The following AKAP9 variants were observed in gnomAD, a reference collection of about 807,000 sequenced individuals.
AKAP9 encodes A-kinase anchor protein 9.
Under a neutral mutation model 488.5 loss-of-function variants are expected in AKAP9, and 311 were observed. That is an observed-to-expected ratio of 0.64 (90% CI 0.58 to 0.70). The LOEUF (loss-of-function observed/expected upper bound fraction) is 0.70, where lower values mean the gene tolerates loss of function less well. Among genes scored for constraint, AKAP9 ranks in the 30% least tolerant of loss-of-function variants. AKAP9 has a pLI of 0.00. For missense variants in AKAP9, 4,215 were observed against 4,374.5 expected, an observed-to-expected ratio of 0.96 and a Z score of 1.03; for synonymous variants, 1,462 against 1,483.5, an observed-to-expected ratio of 0.99 and a Z score of 0.33.
chr7:91,970,476 G>C (rs1794930127), intron 1 of AKAP9: 1 of 456,848 alleles, frequency 2.2e-6, no homozygotes, highest in African/African-American at 2.0e-5. Flanking sequence ...CTTTCAGATT[G>C]AAGAACTCTC....
chr7:92,097,174 G>A lies in AKAP9; in HGVS notation c.10215G>A (p.Met3405Ile). Residue 3405 changes from methionine to isoleucine, a missense_variant, in exon 41 of 50, where the codon ATG becomes ATA. This residue lies in a region of AKAP9 where 1,476 missense variants were observed against 1,477.4 expected (regional missense o/e 1.00). Transcript: ENST00000356239. ...CCAACACTGAGGGACAGAAAAAAAT[G>A]CATGAGCTCCAGTCCAAAGTGGAAG... Reference protein sequence around the residue: ...QEANTEGQKKMHELQSKVEDL... With the variant: ...QEANTEGQKKIHELQSKVEDL... 1 of 1,613,960 alleles carries A rather than the reference G, an allele frequency of 6.2e-7. No individual in the cohort carries two copies. The highest frequency in any genetic ancestry group is 8.5e-7 in the Non-Finnish European group (1 of 1,179,946).
intron 46 of AKAP9, among the ~76,000 whole-genome samples, chr7:92,104,192 T>TTATTTA (rs200966958): frequency 7.3e-6 from 1 of 137,140 alleles, no homozygotes; most frequent in African/African-American, 2.9e-5. Context: ...ATTTATTTAT[T>TTATTTA]TTTTTTTTTT....
chr7:91,987,690 C>A (rs1797274934), intron 3 of AKAP9, among the ~76,000 whole-genome samples: 1 of 152,092 alleles, frequency 6.6e-6, no homozygotes, highest in African/African-American at 2.4e-5. Context: ...TTGAATTCCT[C>A]CATTTAATGA....
intron 38 of AKAP9, among the ~76,000 whole-genome samples, chr7:92,091,423 TA>T (rs1293057194): frequency 6.6e-6 from 1 of 151,708 alleles, no homozygotes; most frequent in Non-Finnish European, 1.5e-5. Flanking sequence ...CCATCTCTAC[TA>T]AAAATACAAA....
chr7:91,963,481 G>GACACACAC (rs1562902649), intron 1 of AKAP9, among the ~76,000 whole-genome samples: 3 of 115,640 alleles, frequency 2.6e-5, no homozygotes, highest in South Asian at 2.9e-4. Context: ...TAACATATTT[G>GACACACAC]TCACACACAC....
At chr7:91,963,510 AC>A (rs1281824960) in intron 1 of AKAP9, among the ~76,000 whole-genome samples, 2 of 151,360 alleles carry the variant, frequency 1.3e-5, no homozygotes, top group Admixed American at 1.3e-4. Flanking sequence ...ACACACACAC[AC>A]ACACACACAC....
At chr7:91,997,847 A>G (rs891358953) in intron 7 of AKAP9, among the ~76,000 whole-genome samples, 6 of 152,188 alleles carry the variant, frequency 3.9e-5, no homozygotes, top group African/African-American at 1.4e-4. Flanking sequence ...GTTTTTCACT[A>G]TATACATTTT....
chr7:91,970,625 C>T, intron 1 of AKAP9: 1 of 383,770 alleles, frequency 2.6e-6, no homozygotes, highest in South Asian at 2.1e-5. Context: ...TGTTTTTTTC[C>T]TTCAGCACTT....
Position 92,079,150 on chromosome 7 carries a change from A to G in AKAP9, c.7017A>G (p.Glu2339=). The change falls in exon 31 of 50, where the codon GAA becomes GAG. Residue 2339 remains glutamate (E), a synonymous_variant. Transcript: ENST00000356239. ...TQIECLMSDQ[E]CVKRNREEEI... is the part of the protein sequence containing the mutation. ...TAGAATGTTTGATGAGTGATCAAGA[A>G]TGTGTGAAGAGAAATAGAGAAGAAG... is the stretch of plus-strand genomic sequence containing the variant. 6 of 1,613,920 alleles carry G rather than the reference A, an allele frequency of 3.7e-6. No homozygotes were observed. Among genetic ancestry groups the G allele is most frequent in the Non-Finnish European group, 5.1e-6 (6 of 1,179,884 alleles).
chr7:92,012,335 A>T (rs1043864627), intron 8 of AKAP9, 94 bp from the exon 9 acceptor site: 1 of 1,130,378 alleles, frequency 8.8e-7, no homozygotes, highest in Admixed American at 2.5e-5. Context: ...ATGAATTTTT[A>T]AACTCTTGTA....
In AKAP9 at chr7:92,085,587, G is replaced by C. The variant is rs1018872015; in HGVS notation, c.8925G>C (p.Gln2975His). ...YSDGEDHSIQ[Q>H]VSEPWLEERK... is the part of the protein sequence containing the mutation. The stretch of plus-strand genomic sequence containing the variant: ...ATGGAGAGGACCATTCTATTCAGCA[G>C]GTTTCAGAACCTTGGCTAGAAGAGA... Residue 2975 changes from glutamine to histidine, a missense_variant, in exon 36 of 50, where the codon CAG (glutamine) becomes CAC (histidine). This residue lies in a region of AKAP9 where 1,476 missense variants were observed against 1,477.4 expected (regional missense o/e 1.00). Coordinates refer to ENST00000356239, the MANE Select transcript of AKAP9 (RefSeq NM_005751.5). 1 of 1,613,760 alleles carries C rather than the reference G, an allele frequency of 6.2e-7. No individual in the cohort carries two copies. The highest frequency in any genetic ancestry group is 1.7e-5 in the Admixed American group (1 of 59,982).
chr7:91,971,335 T>A (rs1296459907), intron 1 of AKAP9, among the ~76,000 whole-genome samples: 3 of 152,134 alleles, frequency 2.0e-5, no homozygotes, highest in Non-Finnish European at 2.9e-5. Context: ...TATAAAAAAC[T>A]TTTAATCTTT....
At position 91,973,765 on chromosome 7, in the gene AKAP9, A is replaced by T; in HGVS notation, c.103A>T (p.Lys35Ter). The change falls in exon 2 of 50, where the codon AAG becomes TAG. Residue 35 changes from lysine to a stop codon, truncating the protein, a stop_gained. Transcript: ENST00000356239. LOFTEE classifies it high-confidence loss of function. ...GTCGGATGGGCAGAGTCCTTCCAAG[A>T]AGCAGAAAAAAAAGAGAAAAACGTC... ...AQSDGQSPSK[K>*]QKKKRKTSSS... 6.2e-7 allele frequency: 1 copy of T among 1,614,082 alleles called. No homozygotes were observed. The highest frequency in any genetic ancestry group is 8.5e-7 in the Non-Finnish European group (1 of 1,180,002).
chr7:91,956,686 C>T (rs961096011), intron 1 of AKAP9, among the ~76,000 whole-genome samples: 5 of 151,950 alleles, frequency 3.3e-5, no homozygotes, highest in African/African-American at 1.2e-4. Flanking sequence ...TTGCTAATAG[C>T]TTCATGTTAT....
In AKAP9 at chr7:91,992,244, G is replaced by T. The variant is rs775043801; in HGVS notation, c.405+33G>T. ...ATTTAAAACTACTTGTGATACTAAT[G>T]TTGGATACTATTTAAAATCATCTGG... is the stretch of plus-strand genomic sequence containing the variant. On this transcript the variant is annotated intron_variant, in intron 4 of 49. Transcript: ENST00000356239. 2.7e-6 allele frequency: 4 copies of T among 1,466,646 alleles called. 1 individual carries two copies. In the Admixed American group the frequency reaches 6.7e-5, roughly 25 times the overall value. The allele number at this position is 1,466,646 out of a possible 1,614,324, so 90.9% of individuals were successfully genotyped here.
In AKAP9 at chr7:92,103,773, A is replaced by T. The variant is rs564657228; in HGVS notation, c.11330+947A>T. 7.9e-4 allele frequency among the ~76,000 whole-genome samples: 121 copies of T among 152,204 alleles called. No individual in the cohort carries two copies. In the South Asian group the frequency reaches 0.022, roughly 27 times the overall value. On this transcript the variant is annotated intron_variant, in intron 46 of 49. Transcript: ENST00000356239. ...AAATAAAAGATTATAAAATTTAAAA[A>T]TGTGGTTGACAAATTACTTCTTAGG...
chr7:92,016,462 T>G (rs1166994187), intron 11 of AKAP9, among the ~76,000 whole-genome samples, 195 bp downstream of exon 11: 1 of 152,098 alleles, frequency 6.6e-6, no homozygotes, highest in African/African-American at 2.4e-5. Flanking sequence ...AATGGTGATA[T>G]GAATATAATT....
In AKAP9 at chr7:91,973,835, A is replaced by T; in HGVS notation, c.173A>T (p.Asp58Val). The T allele has an allele frequency of 6.2e-7, 1 of 1,614,116 alleles. No homozygotes were observed. The highest frequency in any genetic ancestry group is 8.5e-7 in the Non-Finnish European group (1 of 1,179,996). Residue 58 changes from aspartate to valine, a missense_variant, in exon 2 of 50, where the codon GAT becomes GTT. By Grantham distance (152) the Asp-to-Val change is radical. Coordinates refer to ENST00000356239, the MANE Select transcript of AKAP9 (RefSeq NM_005751.5). ...DVSAHHDLNI[D>V]QSQCNEMYIN... Reference sequence around the variant, plus strand: ...TCAGCACACCATGATTTGAATATTGATCAATCACAGTGTAATGAAATGTAC... The same window carrying T: ...TCAGCACACCATGATTTGAATATTGTTCAATCACAGTGTAATGAAATGTAC...
In AKAP9 at chr7:92,084,818, G is replaced by A. The variant is rs1425682763; in HGVS notation, c.8711-1G>A. 1 of 1,611,518 alleles carries A rather than the reference G, an allele frequency of 6.2e-7. No individual in the cohort carries two copies. Among genetic ancestry groups the A allele is most frequent in the Non-Finnish European group, 8.5e-7 (1 of 1,179,086 alleles). ...ACAGCAAATTATTTTCTTTATTTTA[G>A]ATTCTGGATCAGACTGGGGTCAGGG... On this transcript the variant is annotated splice_acceptor_variant, in intron 34 of 49. Coordinates refer to ENST00000356239, the MANE Select transcript of AKAP9 (RefSeq NM_005751.5). LOFTEE classifies it high-confidence loss of function.
Sources: gnomAD v4.1 joint callset for allele counts (sites outside exome capture counted in the v4.1 genomes callset) on GRCh38, gnomAD v4.1.1 for gene constraint, gnomAD v4.1.1 regional missense constraint, MANE v1.5 for transcripts, NCBI Gene and HGNC (gene_info 2026-07-23, HGNC 2026-07-21) for gene names.